Variants in CDH12 observed in about 807,000 individuals in gnomAD.
The protein encoded by CDH12 is cadherin-12.
A neutral mutation model predicts 74.1 loss-of-function variants in CDH12; 41 were observed. That is an observed-to-expected ratio of 0.55 (90% CI 0.43 to 0.72). CDH12 has a LOEUF of 0.72. CDH12 is among the 30% of genes least tolerant of loss of function. The pLI, the probability that CDH12 is intolerant of heterozygous loss-of-function variation, is 0.00. For missense variants in CDH12, 945 were observed against 977.2 expected (o/e 0.97, Z 0.44); for synonymous variants, 399 against 355.0 (o/e 1.12, Z -1.39).
chr5:22,091,008 A>G (rs1169650892), intron 4 of CDH12, among the ~76,000 whole-genome samples: 1 of 151,858 alleles, frequency 6.6e-6, no homozygotes, highest in Non-Finnish European at 1.5e-5. Flanking sequence ...TTTTCTCTCC[A>G]AGAACACAAA....
chr5:22,793,550 T>A (rs1002056984), intron 1 of CDH12, among the ~76,000 whole-genome samples: 7 of 152,324 alleles, frequency 4.6e-5, no homozygotes, highest in Admixed American at 4.6e-4. Context: ...TATCATAAAC[T>A]TCTACAATTA....
intron 1 of CDH12, among the ~76,000 whole-genome samples, chr5:22,834,464 T>C (rs1461968551): frequency 2.0e-5 from 3 of 152,166 alleles, no homozygotes; most frequent in Non-Finnish European, 4.4e-5. Context: ...AATGAGCACA[T>C]TTATTATAAA....
rs73742115 is a variant in CDH12 at position 22,548,898 on chromosome 5, C to A, written c.-522-43534G>T. On this transcript the variant is annotated intron_variant, in intron 1 of 14. Coordinates refer to ENST00000382254, the MANE Select transcript of CDH12 (RefSeq NM_004061.5). ...CTCATAGTGCTTCCTAGAATTGTCACCCCTCAAAACCATTTGACCACCAAA... is the reference window on the plus strand; with the variant it reads ...CTCATAGTGCTTCCTAGAATTGTCAACCCTCAAAACCATTTGACCACCAAA... Among the ~76,000 whole-genome samples, 389 of 152,054 alleles carry A rather than the reference C, an allele frequency of 2.6e-3. 1 individual carries two copies. Among genetic ancestry groups the A allele is most frequent in the African/African-American group, 9.1e-3 (379 of 41,488 alleles).
intron 9 of CDH12, among the ~76,000 whole-genome samples, chr5:21,806,280 G>C (rs1272433527): frequency 6.6e-6 from 1 of 152,270 alleles, no homozygotes; most frequent in South Asian, 2.1e-4. Flanking sequence ...GAGAAAAATT[G>C]CATCTGTAAG....
At chr5:22,091,753 T>G (rs1298081263) in intron 4 of CDH12, among the ~76,000 whole-genome samples, 1 of 151,950 alleles carries the variant, frequency 6.6e-6, no homozygotes, top group Non-Finnish European at 1.5e-5. Flanking sequence ...AAAAACAGTC[T>G]TATACAAAAA....
intron 8 of CDH12, among the ~76,000 whole-genome samples, chr5:21,832,220 C>A (rs1188319343): frequency 3.3e-5 from 5 of 152,040 alleles, no homozygotes; most frequent in Non-Finnish European, 7.4e-5. Context: ...CAATCTTTGT[C>A]CTTTAGGACA....
chr5:22,553,271 A>G (rs917653143), intron 1 of CDH12, among the ~76,000 whole-genome samples: 5 of 152,184 alleles, frequency 3.3e-5, no homozygotes, highest in African/African-American at 1.2e-4. Flanking sequence ...GTTGAAATCA[A>G]TTTCAAAGAG....
At chr5:22,241,932 T>G (rs1752764510) in intron 3 of CDH12, among the ~76,000 whole-genome samples, 1 of 152,114 alleles carries the variant, frequency 6.6e-6, no homozygotes, top group African/African-American at 2.4e-5. Flanking sequence ...TGCATAATAT[T>G]TAAATCATAT....
intron 1 of CDH12, among the ~76,000 whole-genome samples, chr5:22,705,345 T>A (rs1313397611): frequency 6.6e-6 from 1 of 152,094 alleles, no homozygotes; most frequent in African/African-American, 2.4e-5. Context: ...ATACTGTTTT[T>A]TCATAACAAA....
chr5:22,447,985 TAAAAAAAA>T (rs10660558), intron 2 of CDH12, among the ~76,000 whole-genome samples: 3 of 84,470 alleles, frequency 3.6e-5, no homozygotes, highest in East Asian at 7.5e-4. Context: ...TACAAGAAAT[TAAAAAAAA>T]AAAAAAAAAA....
chr5:22,545,677 T>C (rs1488359168), intron 1 of CDH12, among the ~76,000 whole-genome samples: 1 of 152,228 alleles, frequency 6.6e-6, no homozygotes, highest in African/African-American at 2.4e-5. Flanking sequence ...TTTTAATCCA[T>C]AAATTATCTC....
At chr5:21,985,935 T>G (rs906613287) in intron 5 of CDH12, among the ~76,000 whole-genome samples, 4 of 152,140 alleles carry the variant, frequency 2.6e-5, no homozygotes, top group African/African-American at 9.6e-5. Context: ...TGCCCAAGAA[T>G]ATTTAACATT....
intron 2 of CDH12, among the ~76,000 whole-genome samples, chr5:22,501,604 T>C (rs1736148881): frequency 6.6e-6 from 1 of 152,148 alleles, no homozygotes; most frequent in Non-Finnish European, 1.5e-5. Flanking sequence ...ATTATTAACC[T>C]TTGACAATTA....
intron 3 of CDH12, among the ~76,000 whole-genome samples, chr5:22,377,405 C>T (rs1217447777): frequency 6.6e-6 from 1 of 152,124 alleles, no homozygotes; most frequent in Admixed American, 6.5e-5. Context: ...TGAACAGTGC[C>T]AGCTTTACTC....
intron 1 of CDH12, among the ~76,000 whole-genome samples, chr5:22,584,408 T>C (rs1349217232): frequency 6.6e-6 from 1 of 151,502 alleles, no homozygotes; most frequent in Non-Finnish European, 1.5e-5. Context: ...AAGGAATTTA[T>C]TTTTTTTAAT....
Position 22,774,014 on chromosome 5 carries a change from AG to A in CDH12, c.-523+79043del, listed in dbSNP as rs566673338. Among the ~76,000 whole-genome samples, 28 of 152,224 alleles carry A rather than the reference AG, an allele frequency of 1.8e-4. No homozygotes were observed. In the East Asian group the frequency reaches 4.4e-3, roughly 24 times the overall value. On this transcript the variant is annotated intron_variant, in intron 1 of 14. Transcript: ENST00000382254. ...TATACTGGTAAGGCTGTGGAGGGAAAGGAACACTGTTGGTGGGAATGTAAAT... is the reference window on the plus strand; with the variant it reads ...TATACTGGTAAGGCTGTGGAGGGAAAGAACACTGTTGGTGGGAATGTAAAT...
chr5:22,830,580 C>A (rs1338355346), intron 1 of CDH12, among the ~76,000 whole-genome samples: 1 of 151,712 alleles, frequency 6.6e-6, no homozygotes, highest in Non-Finnish European at 1.5e-5. Context: ...TACGTGCTCT[C>A]CTTTTTATAT....
intron 5 of CDH12, among the ~76,000 whole-genome samples, chr5:22,053,668 G>A (rs949761404): frequency 1.1e-4 from 16 of 152,026 alleles, no homozygotes; most frequent in Middle Eastern, 3.4e-3. Context: ...TCCCTCTAGG[G>A]GGTGCTGAGA....
chr5:22,044,434 G>A (rs1396217318), intron 5 of CDH12, among the ~76,000 whole-genome samples: 2 of 152,174 alleles, frequency 1.3e-5, no homozygotes, highest in Non-Finnish European at 2.9e-5. Context: ...GCAGGAGAGA[G>A]AGAGCAGGAA....
Sources: gnomAD v4.1 joint callset for allele counts (sites outside exome capture counted in the v4.1 genomes callset) on GRCh38, gnomAD v4.1.1 for gene constraint, MANE v1.5 for transcripts, NCBI Gene and HGNC (gene_info 2026-07-23, HGNC 2026-07-21) for gene names.